HS6ST3: variants seen among roughly 807,000 people sequenced by gnomAD.
The protein encoded by HS6ST3 is heparan-sulfate 6-O-sulfotransferase 3.
Under a neutral mutation model 36.7 loss-of-function variants are expected in HS6ST3, and 12 were observed. The ratio of observed to expected loss-of-function variants is 0.33; its 90% CI spans 0.21 to 0.53. The LOEUF is 0.53. Among genes scored for constraint, HS6ST3 ranks in the 20% least tolerant of loss-of-function variants. The probability of loss-of-function intolerance (pLI) is 0.95; values close to 1 mark genes in which losing one functional copy is unlikely to be tolerated. For missense variants in HS6ST3, 584 were observed against 640.9 expected (o/e 0.91, Z 0.96); for synonymous variants, 240 against 257.5 (o/e 0.93, Z 0.65).
chr13:96,568,020 G>T (rs1343401207), intron 1 of HS6ST3, among the ~76,000 whole-genome samples: 1 of 152,174 alleles, frequency 6.6e-6, no homozygotes, highest in Non-Finnish European at 1.5e-5. Context: ...ATATACAGCT[G>T]CTGGGAATTT....
At chr13:96,765,352 G>A (rs570189642) in intron 1 of HS6ST3, among the ~76,000 whole-genome samples, 3 of 152,092 alleles carry the variant, frequency 2.0e-5, no homozygotes, top group South Asian at 2.1e-4. Flanking sequence ...GATTACAGGC[G>A]TGAACCACCG....
At chr13:96,304,567 G>C (rs1462966581) in intron 1 of HS6ST3, among the ~76,000 whole-genome samples, 1 of 151,966 alleles carries the variant, frequency 6.6e-6, no homozygotes, top group Non-Finnish European at 1.5e-5. Flanking sequence ...AGCTGGGGAT[G>C]TCTTTGGAGG....
chr13:96,403,597 A>T (rs1266935807), intron 1 of HS6ST3, among the ~76,000 whole-genome samples: 2 of 152,230 alleles, frequency 1.3e-5, no homozygotes, highest in Admixed American at 1.3e-4. Flanking sequence ...CAAGAAGAAA[A>T]AAAAATCCCC....
intron 1 of HS6ST3, among the ~76,000 whole-genome samples, chr13:96,748,533 ATT>A (rs1161976795): frequency 6.6e-6 from 1 of 152,142 alleles, no homozygotes; most frequent in African/African-American, 2.4e-5. Context: ...GTTGTACAGT[ATT>A]TAGCTAGTCA....
intron 1 of HS6ST3, among the ~76,000 whole-genome samples, chr13:96,189,359 G>T (rs1398387648): frequency 1.3e-5 from 2 of 151,976 alleles, no homozygotes; most frequent in Admixed American, 1.3e-4. Context: ...ATTTAATAAT[G>T]AATCTAAGTT....
intron 1 of HS6ST3, among the ~76,000 whole-genome samples, chr13:96,377,346 C>T (rs2055319812): frequency 6.6e-6 from 1 of 151,822 alleles, no homozygotes; most frequent in African/African-American, 2.4e-5. Flanking sequence ...GAGAAAGACC[C>T]TGTCTCAAAC....
intron 1 of HS6ST3, among the ~76,000 whole-genome samples, chr13:96,828,915 G>A (rs1213331218): frequency 6.6e-6 from 1 of 152,160 alleles, no homozygotes; most frequent in Non-Finnish European, 1.5e-5. Flanking sequence ...AATGAATAAA[G>A]TATCTCCTTT....
intron 1 of HS6ST3, among the ~76,000 whole-genome samples, chr13:96,152,423 C>T (rs982428921): frequency 2.0e-5 from 3 of 148,900 alleles, no homozygotes; most frequent in East Asian, 2.0e-4. Context: ...CTGCAAGCTC[C>T]GCCTCCCGGG....
chr13:96,179,162 G>A (rs184558159), intron 1 of HS6ST3, among the ~76,000 whole-genome samples: 9 of 152,298 alleles, frequency 5.9e-5, no homozygotes, highest in Admixed American at 3.9e-4. Flanking sequence ...GGGTAGAAAA[G>A]AGAGTTGAGT....
chr13:96,199,258 A>G (rs955017739), intron 1 of HS6ST3, among the ~76,000 whole-genome samples: 1 of 152,246 alleles, frequency 6.6e-6, no homozygotes, highest in Admixed American at 6.5e-5. Flanking sequence ...CTAACAATAT[A>G]TAAGTGAATG....
At chr13:96,714,196 T>C (rs1875637712) in intron 1 of HS6ST3, among the ~76,000 whole-genome samples, 1 of 152,080 alleles carries the variant, frequency 6.6e-6, no homozygotes, top group Non-Finnish European at 1.5e-5. Context: ...TATTAAAAAG[T>C]ATAACGTCTA....
chr13:96,406,844 A>G (rs998343990), intron 1 of HS6ST3, among the ~76,000 whole-genome samples: 1 of 152,216 alleles, frequency 6.6e-6, no homozygotes, highest in Non-Finnish European at 1.5e-5. Flanking sequence ...TGTGTCAGAC[A>G]AAAATGTATA....
chr13:96,774,585 A>T (rs928932483), intron 1 of HS6ST3, among the ~76,000 whole-genome samples: 3 of 152,172 alleles, frequency 2.0e-5, no homozygotes, highest in African/African-American at 4.8e-5. Flanking sequence ...GATATCAGAG[A>T]TTGAAGATCA....
At chr13:96,343,467 CT>C (rs1238060443) in intron 1 of HS6ST3, among the ~76,000 whole-genome samples, 4 of 152,186 alleles carry the variant, frequency 2.6e-5, no homozygotes, top group African/African-American at 9.7e-5. Context: ...CCTTCTTCTA[CT>C]TTTAAGGATT....
intron 1 of HS6ST3, among the ~76,000 whole-genome samples, chr13:96,689,947 T>A (rs1020398666): frequency 2.0e-5 from 3 of 151,926 alleles, no homozygotes; most frequent in Admixed American, 6.6e-5. Context: ...GTAGGAAAAA[T>A]TGGCCTGTTT....
chr13:96,634,487 G>C (rs1214425063), intron 1 of HS6ST3, among the ~76,000 whole-genome samples: 1 of 152,180 alleles, frequency 6.6e-6, no homozygotes, highest in African/African-American at 2.4e-5. Flanking sequence ...GACAGAGTCA[G>C]AGAAGACTTA....
intron 1 of HS6ST3, among the ~76,000 whole-genome samples, chr13:96,140,726 A>G (rs1030818877): frequency 6.6e-6 from 1 of 152,208 alleles, no homozygotes; most frequent in Non-Finnish European, 1.5e-5. Flanking sequence ...TGTACTTCTT[A>G]TGAAATCCTT....
intron 1 of HS6ST3, among the ~76,000 whole-genome samples, chr13:96,277,662 C>G (rs1199390749): frequency 6.6e-6 from 1 of 151,900 alleles, no homozygotes; most frequent in Non-Finnish European, 1.5e-5. Context: ...GTCACAAATT[C>G]TTTTTTAATT....
At chr13:96,156,372 G>A (rs138960146) in intron 1 of HS6ST3, among the ~76,000 whole-genome samples, 1 of 152,168 alleles carries the variant, frequency 6.6e-6, no homozygotes, top group African/African-American at 2.4e-5. Context: ...CCCAGATATG[G>A]TTTAGTGAGG....
Sources: gnomAD v4.1 joint callset for allele counts (sites outside exome capture counted in the v4.1 genomes callset) on GRCh38, gnomAD v4.1.1 for gene constraint, MANE v1.5 for transcripts, NCBI Gene and HGNC (gene_info 2026-07-23, HGNC 2026-07-21) for gene names.